Variants in MEI1 observed in about 807,000 individuals in gnomAD.
The protein encoded by MEI1 is meiotic double-stranded break formation protein 1.
Under a neutral mutation model 146.2 loss-of-function variants are expected in MEI1, and 103 were observed. That is an observed-to-expected ratio of 0.70 (90% CI 0.60 to 0.83). The LOEUF (loss-of-function observed/expected upper bound fraction) is 0.83. MEI1 is among the 40% of genes least tolerant of loss of function. The pLI is 0.00. For missense variants in MEI1, 1,529 were observed against 1,533.0 expected (o/e 1.00, Z 0.04); for synonymous variants, 652 against 628.2 (o/e 1.04, Z -0.57).
intron 19 of MEI1, chr22:41,767,461 G>A: frequency 2.5e-6 from 1 of 403,820 alleles, no homozygotes; most frequent in South Asian, 1.7e-5. Context: ...ACACACTGAT[G>A]TGTGTTAAGG....
chr22:41,717,836 G>T (rs963494798), intron 5 of MEI1, among the ~76,000 whole-genome samples: 1 of 151,820 alleles, frequency 6.6e-6, no homozygotes, highest in Non-Finnish European at 1.5e-5. Context: ...GGCTGGTCTC[G>T]AACTCCTGAC....
Position 41,707,474 on chromosome 22 carries a change from C to T in MEI1, c.349+1920C>T, listed in dbSNP as rs1243381053. 3.3e-5 allele frequency among the ~76,000 whole-genome samples: 5 copies of T among 152,190 alleles called. No individual in the cohort carries two copies. In the East Asian group the frequency reaches 9.7e-4, roughly 29 times the overall value. On this transcript the variant is annotated intron_variant, in intron 3 of 30. Coordinates refer to ENST00000401548, the MANE Select transcript of MEI1 (RefSeq NM_152513.4). ...TGGAAAAACTGCAGGCTGGATTCGG[C>T]TGCTGTCATAGAATGGCACTGCCAC...
At chr22:41,781,621 T>A in intron 23 of MEI1, 64 bp from the exon 24 acceptor site, 1 of 1,551,066 alleles carries the variant, frequency 6.4e-7, no homozygotes, top group Non-Finnish European at 8.8e-7. Flanking sequence ...CTAAGCACCA[T>A]AGTGGCACTT....
Position 41,758,346 on chromosome 22 carries a change from C to G in MEI1, c.1952-19C>G, listed in dbSNP as rs1436209276. The stretch of plus-strand genomic sequence containing the variant: ...TCTATGTTCTCTGTGTGGCTTTCCT[C>G]TACTTATTCCCTCCCTAGAACTCTC... On this transcript the variant is annotated intron_variant, in intron 17 of 30. Coordinates refer to ENST00000401548, the MANE Select transcript of MEI1 (RefSeq NM_152513.4). The G allele has an allele frequency of 1.2e-6, 2 of 1,604,040 alleles. No individual in the cohort carries two copies. The highest frequency in any genetic ancestry group is 1.7e-5 in the Admixed American group (1 of 59,352).
intron 22 of MEI1, among the ~76,000 whole-genome samples, chr22:41,780,444 T>C (rs2075693214): frequency 6.6e-6 from 1 of 152,006 alleles, no homozygotes; most frequent in African/African-American, 2.4e-5. Context: ...AGTAAAGGGA[T>C]ATGTTCTATA....
At chr22:41,725,435 C>G (rs1318973989) in intron 7 of MEI1, among the ~76,000 whole-genome samples, 1 of 152,122 alleles carries the variant, frequency 6.6e-6, no homozygotes, top group African/African-American at 2.4e-5. Flanking sequence ...TCTGCACTTC[C>G]CCTTCACATT....
Position 41,748,118 on chromosome 22 carries a change from G to A in MEI1, c.1692G>A (p.Glu564=), listed in dbSNP as rs375802060. The change falls in exon 15 of 31, where the codon GAG becomes GAA. Residue 564 remains glutamate, a synonymous_variant. Transcript: ENST00000401548. ...CTGGTTCTTTGCAGAGACACTTGGA[G>A]CAGACCACCCACCCAGCTTTGATGG... The part of the protein sequence containing the change: ...LCIPMVMRHL[E]QTTHPALMEV... The A allele has an allele frequency of 7.4e-6, 12 of 1,613,456 alleles. No homozygotes were observed. Among genetic ancestry groups the A allele is most frequent in the African/African-American group, 1.3e-5 (1 of 74,892 alleles).
At chr22:41,772,941 TC>T (rs2075265875) in intron 20 of MEI1, among the ~76,000 whole-genome samples, 2 of 152,206 alleles carry the variant, frequency 1.3e-5, no homozygotes, top group African/African-American at 4.8e-5. Flanking sequence ...TCTCCCAAAT[TC>T]CCTTTCTCAG....
intron 26 of MEI1, among the ~76,000 whole-genome samples, chr22:41,788,865 G>A (rs2076078625): frequency 6.6e-6 from 1 of 152,066 alleles, no homozygotes; most frequent in Non-Finnish European, 1.5e-5. Flanking sequence ...TTGAGATAGG[G>A]TCTTGCTGTC....
chr22:41,765,437 T>C (rs1159564662), intron 19 of MEI1, among the ~76,000 whole-genome samples: 1 of 152,154 alleles, frequency 6.6e-6, no homozygotes, highest in African/African-American at 2.4e-5. Flanking sequence ...GCCATGTTCA[T>C]GCCACCGCAC....
chr22:41,712,066 G>A (rs567838752), intron 3 of MEI1, among the ~76,000 whole-genome samples: 3 of 150,690 alleles, frequency 2.0e-5, no homozygotes, highest in Non-Finnish European at 4.4e-5. Flanking sequence ...AGCCAGGCGT[G>A]GGGGGCGGGT....
chr22:41,711,222 G>A (rs146360148), intron 3 of MEI1, among the ~76,000 whole-genome samples: 1,661 of 152,020 alleles, frequency 0.011, 9 homozygotes, highest in Non-Finnish European at 0.018. Flanking sequence ...GCCCAGGCTG[G>A]AGTGCAGTGG....
rs139772125 is a variant in MEI1 at position 41,770,212 on chromosome 22, T to C, written c.2269-474T>C. 2.0e-5 allele frequency among the ~76,000 whole-genome samples: 3 copies of C among 152,196 alleles called. No individual in the cohort carries two copies. The East Asian group carries it at 5.8e-4, about 29-fold the overall frequency. On this transcript the variant is annotated intron_variant, in intron 19 of 30. Coordinates refer to ENST00000401548, the MANE Select transcript of MEI1 (RefSeq NM_152513.4). ...CAGGCCCTATGCTAAGTGCACAGAT[T>C]AATCTGCCACAGTCCCTACCCTCAA...
intron 15 of MEI1, among the ~76,000 whole-genome samples, chr22:41,749,657 C>T (rs766756138): frequency 2.6e-5 from 4 of 152,178 alleles, no homozygotes; most frequent in Non-Finnish European, 4.4e-5. Context: ...TCAGAAAGAT[C>T]TTTCTTGGAG....
In MEI1 at chr22:41,784,761, G is replaced by A. The variant is rs1481413000; in HGVS notation, c.3323G>A (p.Gly1108Glu). The A allele has an allele frequency of 6.2e-7, 1 of 1,610,456 alleles. No individual in the cohort carries two copies. Among genetic ancestry groups the A allele is most frequent in the Non-Finnish European group, 8.5e-7 (1 of 1,178,222 alleles). Residue 1108 changes from glycine (G) to glutamate (E), a missense_variant, in exon 26 of 31, where the codon GGG (glycine) becomes GAG (glutamate). By Grantham distance (98) the Gly-to-Glu change is moderately conservative. Transcript: ENST00000401548. ...RMSQVRSLVI[G>E]LQNLLVQKDP... is the part of the protein sequence containing the mutation. Reference sequence around the variant, plus strand: ...TCGCAAGTCCGGTCCCTGGTCATTGGGCTGCAGAACCTCCTGGTGCAGGTA... The same window carrying A: ...TCGCAAGTCCGGTCCCTGGTCATTGAGCTGCAGAACCTCCTGGTGCAGGTA...
chr22:41,713,970 T>C, intron 3 of MEI1, 32 bp from the exon 4 acceptor site: 1 of 1,557,106 alleles, frequency 6.4e-7, no homozygotes, highest in South Asian at 1.2e-5. Context: ...TGGGGGTGCC[T>C]CCTGGTTAGT....
At chr22:41,729,555 G>A (rs1601787919) in intron 7 of MEI1, 110 bp from the exon 8 acceptor site, 1 of 711,898 alleles carries the variant, frequency 1.4e-6, no homozygotes. Flanking sequence ...TGCCATGTGG[G>A]ACAGGAAGGA....
Position 41,781,348 on chromosome 22 carries a change from C to G in MEI1, c.2880C>G (p.Phe960Leu). 5 of 1,613,670 alleles carry G rather than the reference C, an allele frequency of 3.1e-6. No individual in the cohort carries two copies. The highest frequency in any genetic ancestry group is 1.7e-5 in the Admixed American group (1 of 59,970). ...DVDILQPSFN[F>L]LYWSLHQTTP... ...ACATCCTGCAGCCCTCCTTCAACTT[C>G]CTGTATTGGAGCCTTCATCAGACCA... The change falls in exon 23 of 31, where the codon TTC (phenylalanine) becomes TTG (leucine). Residue 960 changes from phenylalanine to leucine, a missense_variant. By Grantham distance (22) the Phe-to-Leu change is conservative. This residue lies in a region of MEI1 where 1,212 missense variants were observed against 1,178.9 expected (regional missense o/e 1.03). Transcript: ENST00000401548.
intron 2 of MEI1, among the ~76,000 whole-genome samples, chr22:41,704,634 G>A (rs905435406): frequency 2.0e-5 from 3 of 151,538 alleles, no homozygotes; most frequent in Admixed American, 1.3e-4. Context: ...GGCTGGTCTC[G>A]AACTCCCAAC....
Sources: gnomAD v4.1 joint callset for allele counts (sites outside exome capture counted in the v4.1 genomes callset) on GRCh38, gnomAD v4.1.1 for gene constraint, gnomAD v4.1.1 regional missense constraint, MANE v1.5 for transcripts, NCBI Gene and HGNC (gene_info 2026-07-23, HGNC 2026-07-21) for gene names.